PLEKHG7: variants seen among roughly 807,000 people sequenced by gnomAD.
The protein encoded by PLEKHG7 is pleckstrin homology domain-containing family G member 7.
A neutral mutation model predicts 85.2 loss-of-function variants in PLEKHG7; 77 were observed. The observed-to-expected ratio is 0.90, with a 90% CI of 0.75 to 1.09. PLEKHG7 has a LOEUF of 1.09. PLEKHG7 is among the 50% of genes least tolerant of loss of function. PLEKHG7 has a pLI of 0.00. For missense variants in PLEKHG7, 777 were observed against 804.3 expected (o/e 0.97, Z 0.41); for synonymous variants, 301 against 302.4 (o/e 1.00, Z 0.05).
intron 8 of PLEKHG7, among the ~76,000 whole-genome samples, 180 bp from the exon 9 acceptor site, chr12:92,741,311 A>T (rs1285255994): frequency 1.3e-5 from 2 of 152,240 alleles, no homozygotes; most frequent in Non-Finnish European, 2.9e-5. Flanking sequence ...GAATTTATTT[A>T]TAAGAAATAC....
chr12:92,753,812 G>A (rs574584224), intron 10 of PLEKHG7, among the ~76,000 whole-genome samples: 9 of 152,300 alleles, frequency 5.9e-5, no homozygotes, highest in Non-Finnish European at 8.8e-5. Context: ...TCCCCTGAAG[G>A]CCAGGGAAGA....
chr12:92,758,574 T>C (rs905914640), intron 13 of PLEKHG7, among the ~76,000 whole-genome samples: 2 of 152,202 alleles, frequency 1.3e-5, no homozygotes, highest in South Asian at 4.1e-4. Context: ...CTGTCATAGA[T>C]GTATGGGTTG....
At chr12:92,737,621 GAAAA>G in intron 7 of PLEKHG7, 100 bp downstream of exon 7, 1 of 1,109,200 alleles carries the variant, frequency 9.0e-7, no homozygotes, top group South Asian at 1.9e-5. Context: ...AAGAAAGAGA[GAAAA>G]GAAAGAAAGA....
intron 9 of PLEKHG7, among the ~76,000 whole-genome samples, chr12:92,742,887 G>C (rs1165358137): frequency 6.6e-6 from 1 of 152,074 alleles, no homozygotes; most frequent in Non-Finnish European, 1.5e-5. Context: ...ATATTCTGGA[G>C]AAATGTCAGC....
chr12:92,760,369 A>C (rs1404832020), intron 13 of PLEKHG7, among the ~76,000 whole-genome samples: 1 of 151,932 alleles, frequency 6.6e-6, no homozygotes, highest in Non-Finnish European at 1.5e-5. Context: ...AATTTGAATA[A>C]AATACCAGAT....
chr12:92,733,341 A>G (rs1008885343), intron 5 of PLEKHG7, among the ~76,000 whole-genome samples: 8 of 152,226 alleles, frequency 5.3e-5, no homozygotes, highest in African/African-American at 1.9e-4. Context: ...TGGCCGTATC[A>G]CTAGTAGTAG....
intron 3 of PLEKHG7, among the ~76,000 whole-genome samples, chr12:92,720,501 A>G (rs1159486804): frequency 6.6e-6 from 1 of 151,700 alleles, no homozygotes; most frequent in Non-Finnish European, 1.5e-5. Flanking sequence ...AATTTTTTGT[A>G]TTTTTAGTAG....
At chr12:92,737,739 G>GGGAGGGAGGGAGGAAGGGAGGGAGGTAA (rs147862697) in intron 7 of PLEKHG7, among the ~76,000 whole-genome samples, 1 of 126,456 alleles carries the variant, frequency 7.9e-6, no homozygotes, top group Non-Finnish European at 1.7e-5. Flanking sequence ...GAGGGAGGAA[G>GGGAGGGAGGGAGGAAGGGAGGGAGGTAA]GGAGGGAGGG....
chr12:92,723,041 T>C (rs1333542805), intron 3 of PLEKHG7, among the ~76,000 whole-genome samples: 1 of 152,154 alleles, frequency 6.6e-6, no homozygotes, highest in Non-Finnish European at 1.5e-5. Flanking sequence ...AATTTAAAGA[T>C]GAATACAAGT....
Position 92,756,298 on chromosome 12 carries a change from T to C in PLEKHG7, c.1543T>C (p.Cys515Arg), listed in dbSNP as rs1251733268. The C allele has an allele frequency of 1.9e-6, 3 of 1,600,960 alleles. No homozygotes were observed. The highest frequency in any genetic ancestry group is 2.7e-5 in the African/African-American group (2 of 74,624). ...DRDKRFFIPE[C>R]LKHIFKEHMA... ...TTTATTTTCTCGCTTGTTTTACAAG[T>C]GTTTGAAACACATTTTTAAAGAACA... Residue 515 changes from cysteine to arginine, a missense_variant and splice_region_variant, in exon 13 of 17, where the codon TGT becomes CGT. Around this residue, in one of 3 missense-constraint regions of PLEKHG7, gnomAD observed 520 missense variants for 544.0 expected, o/e 0.96. Coordinates refer to ENST00000344636, the MANE Select transcript of PLEKHG7 (RefSeq NM_001377329.1).
intron 3 of PLEKHG7, among the ~76,000 whole-genome samples, chr12:92,720,752 A>T (rs1055126959): frequency 4.6e-5 from 7 of 152,232 alleles, no homozygotes; most frequent in African/African-American, 1.7e-4. Flanking sequence ...AAATAAGGCC[A>T]TATGCACATG....
intron 9 of PLEKHG7, among the ~76,000 whole-genome samples, chr12:92,745,219 T>C (rs564828367): frequency 1.3e-5 from 2 of 152,314 alleles, no homozygotes; most frequent in South Asian, 4.1e-4. Context: ...TAAATAGAAT[T>C]TTCTTTAAGT....
At chr12:92,738,448 G>A (rs1268973417) in intron 7 of PLEKHG7, among the ~76,000 whole-genome samples, 1 of 152,216 alleles carries the variant, frequency 6.6e-6, no homozygotes, top group Non-Finnish European at 1.5e-5. Flanking sequence ...TTTGCCTTGT[G>A]ACCTTAGAAA....
At chr12:92,723,552 A>G (rs556071208) in intron 3 of PLEKHG7, among the ~76,000 whole-genome samples, 55 of 152,346 alleles carry the variant, frequency 3.6e-4, no homozygotes, top group African/African-American at 1.3e-3. Flanking sequence ...AATAGCATTT[A>G]TTGGCTGCTT....
chr12:92,750,805 A>T (rs1872669721), intron 10 of PLEKHG7, among the ~76,000 whole-genome samples: 1 of 152,108 alleles, frequency 6.6e-6, no homozygotes, highest in Non-Finnish European at 1.5e-5. Context: ...CCTCAATGAG[A>T]ACCACAGTCA....
chr12:92,743,472 G>A (rs1331407137), intron 9 of PLEKHG7, among the ~76,000 whole-genome samples: 1 of 152,030 alleles, frequency 6.6e-6, no homozygotes, highest in Non-Finnish European at 1.5e-5. Context: ...GGCTTAGAGA[G>A]GTTACATAAT....
At position 92,756,498 on chromosome 12, in the gene PLEKHG7, G is replaced by A. The variant is rs893411175; in HGVS notation, c.1636+107G>A. On this transcript the variant is annotated intron_variant, in intron 13 of 16. Transcript: ENST00000344636. Reference sequence around the variant, plus strand: ...GGACTTGTGTTTGCCTATGTTCCAGGTGATGGAGGGTGTGAATGAGAGAGT... The same window carrying A: ...GGACTTGTGTTTGCCTATGTTCCAGATGATGGAGGGTGTGAATGAGAGAGT... The A allele has an allele frequency of 2.7e-5, 23 of 850,332 alleles. No individual in the cohort carries two copies. In the Middle Eastern group the frequency reaches 6.7e-4, roughly 25 times the overall value. 52.7% of individuals were successfully genotyped at this position (850,332 alleles called of 1,614,324 possible).
chr12:92,717,469 C>T (rs1354308286), intron 3 of PLEKHG7, among the ~76,000 whole-genome samples: 2 of 152,202 alleles, frequency 1.3e-5, no homozygotes, highest in South Asian at 2.1e-4. Context: ...TGCACAATTT[C>T]CTTAACCACT....
chr12:92,729,721 G>C (rs1871929638), intron 4 of PLEKHG7, among the ~76,000 whole-genome samples: 1 of 152,150 alleles, frequency 6.6e-6, no homozygotes, highest in Non-Finnish European at 1.5e-5. Context: ...GGAGACTTAA[G>C]GATTATCCAT....
Sources: allele counts gnomAD v4.1 joint callset (sites outside exome capture counted in the v4.1 genomes callset), GRCh38; gene constraint gnomAD v4.1.1; regional missense constraint gnomAD v4.1.1; transcripts MANE v1.5; gene names NCBI Gene and HGNC (gene_info 2026-07-23, HGNC 2026-07-21).